The following CLASP1 variants were observed in gnomAD, a reference collection of about 807,000 sequenced individuals.
CLASP1 encodes the protein cytoplasmic linker associated protein 1, also known as CLIP-associating protein 1.
In CLASP1, 38 loss-of-function variants were observed where a neutral mutation model predicts 192.3. The ratio of observed to expected loss-of-function variants is 0.20; its 90% confidence interval spans 0.15 to 0.26. CLASP1 has a LOEUF of 0.26. Ranked by LOEUF, CLASP1 falls within the 10% of genes least tolerant of loss-of-function variation. The probability of loss-of-function intolerance (pLI) is 1.00; values close to 1 mark genes in which losing one functional copy is unlikely to be tolerated. For synonymous variants in CLASP1, 691 were observed against 712.8 expected (o/e 0.97, Z 0.49); for missense variants, 1,433 against 1,932.5 (o/e 0.74, Z 4.85).
intron 1 of CLASP1, among the ~76,000 whole-genome samples, chr2:121,607,191 T>C (rs116289260): frequency 0.037 from 5,642 of 151,962 alleles, 158 homozygotes; most frequent in East Asian, 0.14. Context: ...ATATAAAAAC[T>C]AGCCAGGTGT....
chr2:121,531,642 G>A (rs2094889843), intron 2 of CLASP1, among the ~76,000 whole-genome samples: 1 of 151,122 alleles, frequency 6.6e-6, no homozygotes, highest in Non-Finnish European at 1.5e-5. Context: ...GGCCGAGGCG[G>A]GCGGATCAGG....
chr2:121,551,779 C>A (rs565068471), intron 2 of CLASP1, among the ~76,000 whole-genome samples: 1 of 152,256 alleles, frequency 6.6e-6, no homozygotes, highest in East Asian at 1.9e-4. Context: ...CTACCCAAAG[C>A]AATTTACAGA....
At chr2:121,449,190 A>T in intron 16 of CLASP1, 70 bp from the exon 17 acceptor site, 1 of 1,363,008 alleles carries the variant, frequency 7.3e-7, no homozygotes, top group Non-Finnish European at 1.0e-6. Context: ...ACTCTGGAGT[A>T]CACCACAGAA....
chr2:121,583,895 C>G (rs185172174), intron 2 of CLASP1, among the ~76,000 whole-genome samples: 2 of 149,438 alleles, frequency 1.3e-5, no homozygotes, highest in African/African-American at 5.1e-5. Flanking sequence ...TCTGAAATAC[C>G]TTTATGTAAA....
intron 30 of CLASP1, among the ~76,000 whole-genome samples, chr2:121,396,739 A>G (rs1261492504): frequency 6.6e-6 from 1 of 152,222 alleles, no homozygotes; most frequent in Non-Finnish European, 1.5e-5. Flanking sequence ...GCTCTTTTTT[A>G]AGCATCTATT....
At chr2:121,417,740 A>C (rs992666217) in intron 23 of CLASP1, among the ~76,000 whole-genome samples, 3 of 152,244 alleles carry the variant, frequency 2.0e-5, no homozygotes, top group Admixed American at 2.0e-4. Flanking sequence ...GGGAAAAAAG[A>C]TCAGAAGAAG....
At chr2:121,392,677 T>C (rs1171127941) in intron 30 of CLASP1, among the ~76,000 whole-genome samples, 4 of 152,232 alleles carry the variant, frequency 2.6e-5, no homozygotes, top group African/African-American at 9.6e-5. Context: ...AGATGTCAAA[T>C]GGATGTCAAA....
intron 2 of CLASP1, among the ~76,000 whole-genome samples, chr2:121,540,564 G>A (rs375523986): frequency 5.3e-5 from 8 of 152,006 alleles, no homozygotes; most frequent in Non-Finnish European, 8.8e-5. Flanking sequence ...TGAGGTGGGC[G>A]AATCAAGAGG....
chr2:121,478,731 A>ACACACACACCC (rs1559366266), intron 8 of CLASP1, among the ~76,000 whole-genome samples: 1 of 69,040 alleles, frequency 1.4e-5, no homozygotes, highest in African/African-American at 5.8e-5. Context: ...CACACACACC[A>ACACACACACCC]CACACACACC....
At chr2:121,338,935 A>G (rs958190971) in exon 40 of CLASP1, 1 of 152,620 alleles carries the variant, frequency 6.6e-6, no homozygotes, top group African/African-American at 2.4e-5. Context: ...TCACTTGTAG[A>G]GTGTAAAAAA....
At chr2:121,611,087 T>A (rs1301828161) in intron 1 of CLASP1, among the ~76,000 whole-genome samples, 4 of 79,770 alleles carry the variant, frequency 5.0e-5, no homozygotes, top group Non-Finnish European at 5.1e-5. Flanking sequence ...GAGGAGGAGT[T>A]GGAGGAGTTA....
In CLASP1 at chr2:121,387,344, G is replaced by T. The variant is rs2073444092; in HGVS notation, c.3268-116C>A. ...AAATGGGTAGAATCTGCCCAGGATG[G>T]TTTTTTTTTTCCCTTAGAATCATAA... On this transcript the variant is annotated intron_variant, in intron 31 of 39. Transcript: ENST00000263710. 22 of 656,720 alleles carry T rather than the reference G, an allele frequency of 3.3e-5. No homozygotes were observed. In the South Asian group the frequency reaches 4.6e-4, roughly 14 times the overall value. The allele number at this position is 656,720 out of a possible 1,614,324, so 40.7% of individuals were successfully genotyped here. A position where few individuals can be genotyped will look rare whatever the true frequency, so the allele number is the denominator to read the frequency against.
intron 6 of CLASP1, among the ~76,000 whole-genome samples, chr2:121,523,250 G>A (rs1331909853): frequency 1.3e-5 from 2 of 152,202 alleles, no homozygotes; most frequent in African/African-American, 2.4e-5. Flanking sequence ...TTAAAGACTC[G>A]ACATTATCTT....
intron 33 of CLASP1, among the ~76,000 whole-genome samples, chr2:121,381,138 A>G (rs1267881545): frequency 6.6e-6 from 1 of 152,202 alleles, no homozygotes; most frequent in Non-Finnish European, 1.5e-5. Context: ...TTCTCTGTAC[A>G]TTTTAGAAAT....
intron 33 of CLASP1, among the ~76,000 whole-genome samples, chr2:121,380,002 C>G (rs1207362497): frequency 6.6e-6 from 1 of 152,168 alleles, no homozygotes; most frequent in African/African-American, 2.4e-5. Context: ...GACTCACTAG[C>G]CTGGGGTTTG....
chr2:121,453,778 T>A (rs2086051137), intron 14 of CLASP1, among the ~76,000 whole-genome samples: 1 of 152,230 alleles, frequency 6.6e-6, no homozygotes, highest in South Asian at 2.1e-4. Context: ...CCACTATATA[T>A]ACGTTAATGT....
At chr2:121,588,459 G>A (rs939482627) in intron 2 of CLASP1, among the ~76,000 whole-genome samples, 12 of 152,144 alleles carry the variant, frequency 7.9e-5, no homozygotes, top group South Asian at 4.1e-4. Flanking sequence ...AAGAGGTTGG[G>A]AAAGCTGGAA....
At chr2:121,605,345 T>C (rs2064297465) in intron 2 of CLASP1, among the ~76,000 whole-genome samples, 1 of 152,278 alleles carries the variant, frequency 6.6e-6, no homozygotes, top group African/African-American at 2.4e-5. Flanking sequence ...CATTTGTTAT[T>C]TATAAAGGGC....
chr2:121,517,668 A>G (rs1260484698), intron 6 of CLASP1, among the ~76,000 whole-genome samples: 8 of 151,880 alleles, frequency 5.3e-5, no homozygotes, highest in Admixed American at 4.6e-4. Flanking sequence ...CAGCCTGGGC[A>G]ACAAAGTGAG....
Sources: gnomAD v4.1 joint callset for allele counts (sites outside exome capture counted in the v4.1 genomes callset) on GRCh38, gnomAD v4.1.1 for gene constraint, MANE v1.5 for transcripts, NCBI Gene and HGNC (gene_info 2026-07-23, HGNC 2026-07-21) for gene names.